Variants in SPATA13 observed in about 807,000 individuals in gnomAD.
The protein encoded by SPATA13 is spermatogenesis associated 13.
SPATA13 carries 50 observed loss-of-function variants against 104.0 expected under a neutral mutation model. The ratio of observed to expected loss-of-function variants is 0.48; its 90% CI spans 0.38 to 0.61. SPATA13 has a LOEUF of 0.61. Ranked by LOEUF, SPATA13 falls within the 20% of genes least tolerant of loss-of-function variation. SPATA13 has a pLI of 0.00. For missense variants in SPATA13, 1,524 were observed against 1,690.6 expected, an observed-to-expected ratio of 0.90 and a Z score of 1.73; for synonymous variants, 606 against 667.5, an observed-to-expected ratio of 0.91 and a Z score of 1.42.
At chr13:24,074,846 G>A (rs1445341904) in intron 3 of SPATA13, among the ~76,000 whole-genome samples, 1 of 152,218 alleles carries the variant, frequency 6.6e-6, no homozygotes, top group Non-Finnish European at 1.5e-5. Flanking sequence ...AGGATTTCTA[G>A]ACAGAAAAAG....
At chr13:24,148,884 C>T (rs745341720) in intron 3 of SPATA13, among the ~76,000 whole-genome samples, 3 of 151,984 alleles carry the variant, frequency 2.0e-5, no homozygotes, top group Middle Eastern at 3.4e-3. Context: ...TCTGGTAGAG[C>T]GGCTTGTTTA....
chr13:24,028,511 A>G (rs1385655831), intron 3 of SPATA13, among the ~76,000 whole-genome samples: 1 of 152,140 alleles, frequency 6.6e-6, no homozygotes, highest in Non-Finnish European at 1.5e-5. Context: ...ACAAGGTCCT[A>G]TCTTTTCTCT....
chr13:24,013,981 G>A (rs1876595776), intron 2 of SPATA13, among the ~76,000 whole-genome samples: 2 of 152,252 alleles, frequency 1.3e-5, no homozygotes, highest in South Asian at 4.1e-4. Flanking sequence ...AGTCTGGAGT[G>A]TGCTAGAGTC....
chr13:24,043,415 G>A (rs1878007072), intron 3 of SPATA13, among the ~76,000 whole-genome samples: 1 of 152,014 alleles, frequency 6.6e-6, no homozygotes, highest in Non-Finnish European at 1.5e-5. Context: ...AGCAACCATG[G>A]GGATACTCAG....
chr13:23,988,468 C>A (rs1197905152), intron 2 of SPATA13, among the ~76,000 whole-genome samples: 1 of 152,192 alleles, frequency 6.6e-6, no homozygotes, highest in Admixed American at 6.5e-5. Flanking sequence ...CTATGAATAA[C>A]TGTGAACTTA....
chr13:24,054,825 G>T (rs986101173), intron 3 of SPATA13, among the ~76,000 whole-genome samples: 2 of 152,104 alleles, frequency 1.3e-5, no homozygotes, highest in Admixed American at 6.5e-5. Flanking sequence ...AATGAATTCA[G>T]TCACTTATGA....
chr13:24,055,758 T>A (rs928339343), intron 3 of SPATA13, among the ~76,000 whole-genome samples: 2 of 152,190 alleles, frequency 1.3e-5, no homozygotes, highest in Non-Finnish European at 2.9e-5. Context: ...GAATAGACAA[T>A]CTCAAAATTA....
At chr13:24,041,164 A>ATTG (rs1877912438) in intron 3 of SPATA13, among the ~76,000 whole-genome samples, 1 of 152,198 alleles carries the variant, frequency 6.6e-6, no homozygotes, top group Non-Finnish European at 1.5e-5. Flanking sequence ...GCTTGATTCA[A>ATTG]CCCACAGTAG....
At chr13:24,222,491 T>G (rs2138609537) in intron 1 of SPATA13, among the ~76,000 whole-genome samples, 1 of 152,232 alleles carries the variant, frequency 6.6e-6, no homozygotes, top group South Asian at 2.1e-4. Flanking sequence ...CCATTTCAAA[T>G]AAGAAGAAAA....
intron 2 of SPATA13, among the ~76,000 whole-genome samples, chr13:23,993,491 C>T (rs1875513062): frequency 6.6e-6 from 1 of 152,212 alleles, no homozygotes. Flanking sequence ...AGAAAGCATG[C>T]ACCTCTCAGA....
chr13:24,252,949 A>T (rs1020150829), intron 4 of SPATA13: 3 of 152,250 alleles, frequency 2.0e-5, no homozygotes, highest in African/African-American at 7.2e-5. Flanking sequence ...CTGGGTATCC[A>T]GTGAGCGCTT....
chr13:24,099,451 T>C (rs1425795661), intron 3 of SPATA13, among the ~76,000 whole-genome samples: 1 of 152,252 alleles, frequency 6.6e-6, no homozygotes, highest in Non-Finnish European at 1.5e-5. Context: ...AAGTCGTCAG[T>C]GGCCACGCAC....
At chr13:24,014,275 A>G (rs981194381) in intron 2 of SPATA13, among the ~76,000 whole-genome samples, 7 of 152,276 alleles carry the variant, frequency 4.6e-5, no homozygotes, top group Non-Finnish European at 1.0e-4. Flanking sequence ...GTCATATTGG[A>G]TTAGGCTCTC....
intron 8 of SPATA13, 80 bp downstream of exon 8, chr13:24,289,258 C>T: frequency 2.5e-6 from 3 of 1,209,672 alleles, no homozygotes; most frequent in South Asian, 1.4e-5. Context: ...ACAGGAGTCT[C>T]TTTTGTTTTA....
At chr13:24,055,427 A>G (rs1205039551) in intron 3 of SPATA13, among the ~76,000 whole-genome samples, 3 of 152,106 alleles carry the variant, frequency 2.0e-5, no homozygotes, top group Non-Finnish European at 2.9e-5. Flanking sequence ...GCCTAGGGAG[A>G]TGGAGGATGG....
At chr13:24,046,653 C>A (rs1326069703) in intron 3 of SPATA13, among the ~76,000 whole-genome samples, 1 of 151,492 alleles carries the variant, frequency 6.6e-6, no homozygotes. Context: ...TATAGATGTC[C>A]AATGTATAAT....
intron 4 of SPATA13, chr13:24,270,966 T>C (rs2138695426): frequency 2.2e-6 from 3 of 1,358,740 alleles, no homozygotes; most frequent in Non-Finnish European, 3.2e-6. Context: ...GATTCAGCTC[T>C]TTCCTTCCCA....
At chr13:24,115,618 G>A (rs543528522) in intron 3 of SPATA13, among the ~76,000 whole-genome samples, 6 of 152,316 alleles carry the variant, frequency 3.9e-5, no homozygotes, top group African/African-American at 7.2e-5. Context: ...AAACCAGTCC[G>A]TGGTGCCAAA....
At chr13:24,133,105 G>A (rs1449098836) in intron 3 of SPATA13, among the ~76,000 whole-genome samples, 4 of 152,166 alleles carry the variant, frequency 2.6e-5, no homozygotes, top group Non-Finnish European at 4.4e-5. Flanking sequence ...TATTTCCAGC[G>A]GGCAGGTGGG....
Sources: allele counts gnomAD v4.1 joint callset (sites outside exome capture counted in the v4.1 genomes callset), GRCh38; gene constraint gnomAD v4.1.1; transcripts MANE v1.5; gene names NCBI Gene and HGNC (gene_info 2026-07-23, HGNC 2026-07-21).